Variants in SLC25A29 observed in about 807,000 individuals in gnomAD.
The protein encoded by SLC25A29 is solute carrier family 25 member 29.
A neutral mutation model predicts 10.0 loss-of-function variants in SLC25A29; 13 were observed. The ratio of observed to expected loss-of-function variants is 1.30; its 90% confidence interval spans 0.85 to 2.07. The LOEUF is 2.07. Ranked by LOEUF, SLC25A29 falls within the 30% of genes most tolerant of loss-of-function variation. SLC25A29 has a pLI of 0.00. For missense variants in SLC25A29, 475 were observed against 447.6 expected, an observed-to-expected ratio of 1.06 and a Z score of -0.55; for synonymous variants, 244 against 221.1, an observed-to-expected ratio of 1.10 and a Z score of -0.92.
At chr14:100,280,182 C>A in the SLC25A29 span, 1 of 152,330 alleles carries the variant, frequency 6.6e-6, no homozygotes, top group Non-Finnish European at 1.5e-5. Context: ...GGTGTAACTT[C>A]AACCCATTCT....
At chr14:100,285,044 CGGG>C in the SLC25A29 span, among the ~76,000 whole-genome samples, 1 of 80,852 alleles carries the variant, frequency 1.2e-5, no homozygotes, top group Admixed American at 1.2e-4. Flanking sequence ...TCTAAAAAAG[CGGG>C]GGGGGGCGGG....
chr14:100,292,533 C>G lies in SLC25A29; in HGVS notation c.662G>C (p.Gly221Ala). Residue 221 changes from glycine to alanine, a missense_variant, in exon 4 of 4, where the codon GGA becomes GCA. By Grantham distance (60) the Gly-to-Ala change is moderately conservative (BLOSUM62 0). Transcript: ENST00000359232. ...GCGGTAGCGCGGGGCGCCCCGCAGT[C>G]CGTCCGCCTGCAGCCGCGACTTGAC... Reference protein sequence around the residue: ...DVVKSRLQADGLRGAPRYRGI... With the variant: ...DVVKSRLQADALRGAPRYRGI... 6.3e-7 allele frequency: 1 copy of G among 1,593,886 alleles called. No individual in the cohort carries two copies.
downstream of SLC25A29, among the ~76,000 whole-genome samples, chr14:100,289,939 ATG>A (rs1253633438): frequency 1.3e-5 from 2 of 152,002 alleles, no homozygotes; most frequent in African/African-American, 4.8e-5. Flanking sequence ...TGTGTTGGTC[ATG>A]TGAGGCCGCT....
At chr14:100,285,513 G>A in the SLC25A29 span, among the ~76,000 whole-genome samples, 4 of 151,828 alleles carry the variant, frequency 2.6e-5, no homozygotes, top group African/African-American at 4.8e-5. Context: ...GGACCTCGCG[G>A]GGACCCGAGG....
chr14:100,289,983 C>T (rs1359747834), downstream of SLC25A29, among the ~76,000 whole-genome samples: 1 of 152,220 alleles, frequency 6.6e-6, no homozygotes, highest in Non-Finnish European at 1.5e-5. Flanking sequence ...CTAGAAGCCC[C>T]CCGCCCCTTC....
rs777077918 is a variant in SLC25A29 at position 100,293,372 on chromosome 14, C to T, written c.84G>A (p.Arg28=). ...VGHPFDTVKV[R]LQVQSVEKPQ... ...GCTTCTCCACGCTCTGGACCTGAAG[C>T]CGTACCTGGAAGGAGAGGGTCCAGT... is the stretch of plus-strand genomic sequence containing the variant. The change falls in exon 3 of 4, where the codon CGG becomes CGA. Residue 28 remains arginine, a synonymous_variant. Transcript: ENST00000359232. The T allele has an allele frequency of 2.5e-6, 4 of 1,612,846 alleles. No individual in the cohort carries two copies. The highest frequency in any genetic ancestry group is 3.4e-6 in the Non-Finnish European group (4 of 1,179,808).
At chr14:100,303,172 T>C (rs1892676119) in intron 1 of SLC25A29, among the ~76,000 whole-genome samples, 1 of 152,240 alleles carries the variant, frequency 6.6e-6, no homozygotes, top group African/African-American at 2.4e-5. Context: ...GCTTTTTAAT[T>C]TTCTAAAGCT....
rs574552129 is a variant in SLC25A29, at chr14:100,292,084, C to T, written c.*199G>A. 3.1e-6 allele frequency: 2 copies of T among 651,782 alleles called. No individual in the cohort carries two copies. The highest frequency in any genetic ancestry group is 6.3e-5 in the East Asian group (2 of 31,944). The allele number at this position is 651,782 out of a possible 1,614,324, so 40.4% of individuals were successfully genotyped here. A position where few individuals can be genotyped will look rare whatever the true frequency, so the allele number is the denominator to read the frequency against. On this transcript the variant is annotated 3_prime_UTR_variant, in exon 4 of 4. Coordinates refer to ENST00000359232, the MANE Select transcript of SLC25A29 (RefSeq NM_001039355.3). ...GACTCTACAGTGTGGGCATGAGGGTCCTTATTTCATAGATGAGAACACTGA... is the reference window on the plus strand; with the variant it reads ...GACTCTACAGTGTGGGCATGAGGGTTCTTATTTCATAGATGAGAACACTGA...
chr14:100,292,275 G>A lies in SLC25A29; in HGVS notation c.*8C>T. The stretch of plus-strand genomic sequence containing the variant: ...AAGGAGCCCTGGGGAAGGAGGGCGG[G>A]GTGAGCGTCACAGGCTGGAGGGCTG... On this transcript the variant is annotated 3_prime_UTR_variant, in exon 4 of 4. Coordinates refer to ENST00000359232, the MANE Select transcript of SLC25A29 (RefSeq NM_001039355.3). 1 of 1,534,296 alleles carries A rather than the reference G, an allele frequency of 6.5e-7. No individual in the cohort carries two copies. Among genetic ancestry groups the A allele is most frequent in the East Asian group, 2.5e-5 (1 of 40,214 alleles).
Position 100,306,201 on chromosome 14 carries a change from C to G in SLC25A29, c.32G>C (p.Gly11Ala), listed in dbSNP as rs768479593. Reference protein sequence around the residue: MALDFLAGCAGGVAGVLVGHP... With the variant: MALDFLAGCAAGVAGVLVGHP... ...GGCCCGGCCCGCCGCCTCCTTACCC[C>G]CCGCGCATCCAGCCAAGAAGTCCAG... is the stretch of plus-strand genomic sequence containing the variant. The change falls in exon 1 of 4, where the codon GGG becomes GCG. Residue 11 changes from glycine to alanine, a missense_variant and splice_region_variant. Transcript: ENST00000359232. The G allele has an allele frequency of 9.3e-6, 14 of 1,508,942 alleles. No homozygotes were observed. The African/African-American group carries it at 1.0e-4, about 11-fold the overall frequency. 93.5% of individuals were successfully genotyped at this position (1,508,942 alleles called of 1,614,324 possible).
downstream of SLC25A29, chr14:100,291,084 T>C (rs1445387011): frequency 6.6e-6 from 1 of 152,270 alleles, no homozygotes; most frequent in Non-Finnish European, 1.5e-5. Context: ...TGAAGCCCTT[T>C]CCTCCACCAT....
Position 100,305,075 on chromosome 14 carries a change from G to T in SLC25A29, c.34+1124C>A, listed in dbSNP as rs539956614. 2.0e-5 allele frequency: 3 copies of T among 152,254 alleles called. No individual in the cohort carries two copies. In the East Asian group the frequency reaches 5.8e-4, roughly 30 times the overall value. 9.4% of individuals were successfully genotyped at this position (152,254 alleles called of 1,614,324 possible). A position where few individuals can be genotyped will look rare whatever the true frequency, so the allele number is the denominator to read the frequency against. On this transcript the variant is annotated intron_variant, in intron 1 of 3. Transcript: ENST00000359232. ...ACCCAGCGATTAGCAGCAAATTCTGGGCTTTGTGCCCCGCAGCTTCCCACT... is the reference window on the plus strand; with the variant it reads ...ACCCAGCGATTAGCAGCAAATTCTGTGCTTTGTGCCCCGCAGCTTCCCACT...
rs557480352 is a variant in SLC25A29, at chr14:100,295,629, C to T, written c.79-2252G>A. On this transcript the variant is annotated intron_variant, in intron 2 of 3. Coordinates refer to ENST00000359232, the MANE Select transcript of SLC25A29 (RefSeq NM_001039355.3). Reference sequence around the variant, plus strand: ...GGTTCACCTGGTCTGTACTTACTAGCGCTCTCCAGGGTGAGGCTTACGCCC... The same window carrying T: ...GGTTCACCTGGTCTGTACTTACTAGTGCTCTCCAGGGTGAGGCTTACGCCC... The T allele has an allele frequency of 1.3e-5, 17 of 1,289,368 alleles. 1 individual carries two copies. Among genetic ancestry groups the T allele is most frequent in the South Asian group, 1.1e-4 (9 of 81,028 alleles). 79.9% of individuals were successfully genotyped at this position (1,289,368 alleles called of 1,614,324 possible).
chr14:100,284,103 G>A, the SLC25A29 span, among the ~76,000 whole-genome samples: 1 of 152,244 alleles, frequency 6.6e-6, no homozygotes, highest in East Asian at 1.9e-4. Flanking sequence ...ACCCTTTGAT[G>A]AATTAGCTAG....
intron 1 of SLC25A29, among the ~76,000 whole-genome samples, chr14:100,302,362 CTTT>C (rs74643943): frequency 4.5e-5 from 6 of 134,068 alleles, no homozygotes; most frequent in Non-Finnish European, 4.9e-5. Context: ...CTATTTCTTT[CTTT>C]TTTTTTTTTT....
intron 2 of SLC25A29, among the ~76,000 whole-genome samples, chr14:100,297,245 G>A (rs1178772151): frequency 6.6e-6 from 1 of 152,260 alleles, no homozygotes; most frequent in Non-Finnish European, 1.5e-5. Flanking sequence ...CCAGACGCCA[G>A]TGAAGTAGGG....
chr14:100,306,077 T>A, intron 1 of SLC25A29, 122 bp downstream of exon 1: 1 of 642,092 alleles, frequency 1.6e-6, no homozygotes, highest in Admixed American at 4.4e-5. Flanking sequence ...AGAACTGTGG[T>A]CCCCATTCAC....
the SLC25A29 span, chr14:100,279,341 T>C: frequency 1.3e-5 from 2 of 152,212 alleles, no homozygotes. Context: ...ACATAGCCCA[T>C]TGTCTTAGAG....
intron 2 of SLC25A29, chr14:100,295,358 C>G (rs947477656): frequency 3.1e-6 from 1 of 324,040 alleles, no homozygotes; most frequent in Non-Finnish European, 6.1e-6. Context: ...GGGAACGGAC[C>G]CACCCCTGGG....
Sources: allele counts gnomAD v4.1 joint callset (sites outside exome capture counted in the v4.1 genomes callset), GRCh38; gene constraint gnomAD v4.1.1; transcripts MANE v1.5; gene names NCBI Gene and HGNC (gene_info 2026-07-23, HGNC 2026-07-21).